ATP10A: variants seen among roughly 807,000 people sequenced by gnomAD.
The protein encoded by ATP10A is ATPase phospholipid transporting 10A (putative), also known as phospholipid-transporting ATPase VA.
Under a neutral mutation model 147.8 loss-of-function variants are expected in ATP10A, and 111 were observed. The ratio of observed to expected loss-of-function variants is 0.75; its 90% CI spans 0.64 to 0.88. The LOEUF is 0.88. Ranked by LOEUF, ATP10A falls within the 40% of genes least tolerant of loss-of-function variation. ATP10A has a pLI of 0.00. For synonymous variants in ATP10A, 875 were observed against 841.6 expected (o/e 1.04, Z -0.69); for missense variants, 1,927 against 1,959.0 (o/e 0.98, Z 0.31).
intron 14 of ATP10A, among the ~76,000 whole-genome samples, chr15:25,692,645 A>C (rs960276782): frequency 2.0e-5 from 3 of 152,230 alleles, no homozygotes; most frequent in Admixed American, 6.5e-5. Flanking sequence ...GAATTCTCTG[A>C]AGCAATAAAA....
chr15:25,764,909 T>G (rs1596840967), intron 2 of ATP10A, among the ~76,000 whole-genome samples: 1 of 152,156 alleles, frequency 6.6e-6, no homozygotes, highest in Non-Finnish European at 1.5e-5. Flanking sequence ...GTTCAGGAAA[T>G]GAGTGCCACT....
At chr15:25,752,950 G>A (rs868411344) in intron 2 of ATP10A, among the ~76,000 whole-genome samples, 14 of 151,444 alleles carry the variant, frequency 9.2e-5, no homozygotes, top group African/African-American at 2.4e-4. Flanking sequence ...TTTATTTTGC[G>A]ATTTTTGTTG....
chr15:25,777,123 G>A (rs764895276), intron 2 of ATP10A, among the ~76,000 whole-genome samples: 10 of 146,536 alleles, frequency 6.8e-5, no homozygotes, highest in African/African-American at 1.2e-4. Context: ...GTGTGTACCC[G>A]TTCCGCACTG....
intron 2 of ATP10A, among the ~76,000 whole-genome samples, chr15:25,745,462 C>A (rs905909245): frequency 1.1e-4 from 16 of 152,132 alleles, no homozygotes; most frequent in Admixed American, 1.0e-3. Context: ...TGGCTCATGC[C>A]TGTAATCCAA....
At chr15:25,798,392 C>T (rs1376401605) in intron 1 of ATP10A, among the ~76,000 whole-genome samples, 1 of 152,196 alleles carries the variant, frequency 6.6e-6, no homozygotes, top group Non-Finnish European at 1.5e-5. Flanking sequence ...CTGCCCCAGG[C>T]AGTCTGAAGT....
intron 1 of ATP10A, among the ~76,000 whole-genome samples, chr15:25,836,453 G>A (rs1892600296): frequency 6.6e-6 from 1 of 152,136 alleles, no homozygotes; most frequent in Non-Finnish European, 1.5e-5. Flanking sequence ...TGGCAACACT[G>A]GCTGCAAAAT....
At chr15:25,697,761 G>T (rs937593978) in intron 13 of ATP10A, among the ~76,000 whole-genome samples, 1 of 152,206 alleles carries the variant, frequency 6.6e-6, no homozygotes. Context: ...TCCTTCGGAA[G>T]AATTCAGTAT....
chr15:25,705,462 A>C (rs1469510363), intron 12 of ATP10A, among the ~76,000 whole-genome samples: 2 of 2,796 alleles, frequency 7.2e-4, no homozygotes, highest in East Asian at 0.016. Flanking sequence ...AACAAAAAAA[A>C]AAAACAAAAA....
chr15:25,863,691 G>A (rs1893881158), upstream of ATP10A: 1 of 152,238 alleles, frequency 6.6e-6, no homozygotes, highest in Non-Finnish European at 1.5e-5. Flanking sequence ...TTACTCCAGG[G>A]ATCAACTGGA....
chr15:25,789,182 G>A (rs908407075), intron 1 of ATP10A, among the ~76,000 whole-genome samples: 1 of 152,056 alleles, frequency 6.6e-6, no homozygotes, highest in Non-Finnish European at 1.5e-5. Context: ...GACTGGTCTC[G>A]AACTCCTGGG....
intron 9 of ATP10A, among the ~76,000 whole-genome samples, chr15:25,715,968 G>C (rs1331086416): frequency 6.6e-6 from 1 of 152,120 alleles, no homozygotes; most frequent in East Asian, 1.9e-4. Flanking sequence ...GGCTTTCTGG[G>C]GTGCACTGGG....
chr15:25,834,613 G>A (rs1247998757), intron 1 of ATP10A, among the ~76,000 whole-genome samples: 1 of 152,140 alleles, frequency 6.6e-6, no homozygotes, highest in East Asian at 1.9e-4. Context: ...TCTCCTCCTA[G>A]GGACATACAC....
chr15:25,845,433 C>G (rs756426368), intron 1 of ATP10A, among the ~76,000 whole-genome samples: 1 of 152,066 alleles, frequency 6.6e-6, no homozygotes, highest in Non-Finnish European at 1.5e-5. Flanking sequence ...TGAGCCTCCC[C>G]GGAACTGTTT....
chr15:25,804,943 GC>G (rs1414077456), intron 1 of ATP10A, among the ~76,000 whole-genome samples: 1 of 152,202 alleles, frequency 6.6e-6, no homozygotes, highest in African/African-American at 2.4e-5. Flanking sequence ...TTATAATAAA[GC>G]CTGGGTAGGT....
intron 3 of ATP10A, among the ~76,000 whole-genome samples, chr15:25,733,280 T>A (rs574625514): frequency 6.6e-6 from 1 of 152,274 alleles, no homozygotes; most frequent in African/African-American, 2.4e-5. Flanking sequence ...ACAGCAGATC[T>A]ACCTCCCAAC....
chr15:25,777,861 C>T (rs1889697095), intron 2 of ATP10A, among the ~76,000 whole-genome samples: 1 of 149,256 alleles, frequency 6.7e-6, no homozygotes, highest in African/African-American at 2.5e-5. Context: ...ATCCTCCTGT[C>T]TCAGCCTCCC....
rs556273370 is a variant in ATP10A at position 25,835,532 on chromosome 15, T to C, written c.449+27116A>G. ...GGGTCAGCACAGTTTTTGCCAATTG[T>C]CCTGAACAGGGTCCCAAGCCTGGCC... is the stretch of plus-strand genomic sequence containing the variant. On this transcript the variant is annotated intron_variant, in intron 1 of 20. Transcript: ENST00000555815. Among the ~76,000 whole-genome samples the C allele has an allele frequency of 8.5e-5, 13 of 152,244 alleles. No homozygotes were observed. The East Asian group carries it at 2.3e-3, about 27-fold the overall frequency.
Position 25,723,135 on chromosome 15 carries a change from G to A in ATP10A, c.1110+756C>T, listed in dbSNP as rs530055025. Among the ~76,000 whole-genome samples the A allele has an allele frequency of 8.5e-5, 13 of 152,218 alleles. No homozygotes were observed. In the South Asian group the frequency reaches 2.7e-3, roughly 32 times the overall value. ...AGACCGAGGTGGGTGGATCACTTGA[G>A]GTCAGGAGTTCAAGACCAGCCTGGC... On this transcript the variant is annotated intron_variant, in intron 6 of 20. Transcript: ENST00000555815.
At chr15:25,678,102 G>A (rs1899175825), downstream of ATP10A, 1 of 152,104 alleles carries the variant, frequency 6.6e-6, no homozygotes, top group African/African-American at 2.4e-5. Context: ...CCTCTCTTGG[G>A]ACCTACACTG....
Sources: allele counts gnomAD v4.1 joint callset (sites outside exome capture counted in the v4.1 genomes callset), GRCh38; gene constraint gnomAD v4.1.1; transcripts MANE v1.5; gene names NCBI Gene and HGNC (gene_info 2026-07-23, HGNC 2026-07-21).